Variants in LHX6 observed in about 807,000 individuals in gnomAD.
The protein encoded by LHX6 is LIM/homeobox protein Lhx6.
A neutral mutation model predicts 47.1 loss-of-function variants in LHX6; 15 were observed. The ratio of observed to expected loss-of-function variants is 0.32; its 90% CI spans 0.21 to 0.49. The LOEUF (loss-of-function observed/expected upper bound fraction) is 0.49, where lower values mean the gene tolerates loss of function less well. Among genes scored for constraint, LHX6 ranks in the 20% least tolerant of loss-of-function variants. The probability of loss-of-function intolerance (pLI) is 0.99; values close to 1 mark genes in which losing one functional copy is unlikely to be tolerated. For missense variants in LHX6, 404 were observed against 539.6 expected, an observed-to-expected ratio of 0.75 and a Z score of 2.49; for synonymous variants, 242 against 233.5, an observed-to-expected ratio of 1.04 and a Z score of -0.33.
Position 122,213,611 on chromosome 9 carries a change from A to G in LHX6, c.1049T>C (p.Ile350Thr). ...CCGGCGCTGCGGTTACTTACTCTCA[A>G]TGTAGCCGTGCAGGGTGACCATGCG... ...RARMVTLHGYIESQVQCGQVH... is the reference protein window; with the variant it reads ...RARMVTLHGYTESQVQCGQVH... The change falls in exon 8 of 10, where the codon ATT becomes ACT. Residue 350 changes from isoleucine (I) to threonine (T), a missense_variant. Ile to Thr is a moderately conservative substitution (Grantham distance 89). Around this residue, in one of 7 missense-constraint regions of LHX6, gnomAD observed 127 missense variants for 116.1 expected, o/e 1.09. Transcript: ENST00000394319. The surrounding 1 kb of genome is among the most constrained non-coding windows in gnomAD (Gnocchi z 5.5). 6.3e-7 allele frequency: 1 copy of G among 1,592,012 alleles called. No homozygotes were observed. The highest frequency in any genetic ancestry group is 8.5e-7 in the Non-Finnish European group (1 of 1,169,938).
At chr9:122,205,582 G>T (rs1312180487) in intron 9 of LHX6, among the ~76,000 whole-genome samples, 3 of 152,180 alleles carry the variant, frequency 2.0e-5, no homozygotes, top group Non-Finnish European at 2.9e-5. Flanking sequence ...AGGGGCATCT[G>T]GTGGGCATGA....
chr9:122,227,021 C>T lies in LHX6; in HGVS notation c.166G>A (p.Asp56Asn). Residue 56 changes from aspartate (D) to asparagine (N), a missense_variant, in exon 3 of 10, where the codon GAC (aspartate) becomes AAC (asparagine). By Grantham distance (23) the Asp-to-Asn change is conservative. Coordinates refer to ENST00000394319, the MANE Select transcript of LHX6 (RefSeq NM_014368.5). ...GTAPPAMAQS[D>N]AEALAGALDK... ...AGAGCTCCTGCCAGGGCCTCGGCGT[C>T]AGACTGAGCCTGCGGCGGGGGAGAG... 4.0e-6 allele frequency: 6 copies of T among 1,494,064 alleles called. No individual in the cohort carries two copies. The highest frequency in any genetic ancestry group is 5.4e-6 in the Non-Finnish European group (6 of 1,119,188). 92.6% of individuals were successfully genotyped at this position (1,494,064 alleles called of 1,614,324 possible). A position where few individuals can be genotyped will look rare whatever the true frequency, so the allele number is the denominator to read the frequency against.
intron 4 of LHX6, among the ~76,000 whole-genome samples, chr9:122,224,298 T>C (rs951364415): frequency 6.6e-6 from 1 of 152,112 alleles, no homozygotes; most frequent in Non-Finnish European, 1.5e-5. Flanking sequence ...GTGCTGCGAT[T>C]ATAGGTGTGA....
At chr9:122,228,550 C>T in intron 1 of LHX6, 107 bp downstream of exon 1, 1 of 1,359,190 alleles carries the variant, frequency 7.4e-7, no homozygotes, top group Non-Finnish European at 9.5e-7. Context: ...GGCGCACCCT[C>T]GTACCCCTCC....
At chr9:122,228,387 A>G (rs867994558) in intron 1 of LHX6, 2 of 1,505,500 alleles carry the variant, frequency 1.3e-6, no homozygotes, top group South Asian at 2.5e-5. Flanking sequence ...TCAGACGGAC[A>G]ATACCGGCCT....
chr9:122,209,880 CTT>C (rs1217876538), intron 8 of LHX6, among the ~76,000 whole-genome samples, 163 bp from the exon 9 acceptor site: 4 of 145,710 alleles, frequency 2.7e-5, no homozygotes, highest in African/African-American at 2.5e-5. Context: ...TTGTGATGAT[CTT>C]TTTTTTTTTT....
chr9:122,214,178 C>T lies in LHX6; in HGVS notation c.783+105G>A. The stretch of plus-strand genomic sequence containing the variant: ...ACGCCCCAGGCAGCTGCGGCCCCGC[C>T]CCGCCACCCGGGTCCGGCCCGAGGG... On this transcript the variant is annotated intron_variant, in intron 6 of 9. Coordinates refer to ENST00000394319, the MANE Select transcript of LHX6 (RefSeq NM_014368.5). This position sits in a 1 kb window ranked among gnomAD's most constrained non-coding sequence, Gnocchi z 4.6. 1 of 1,386,600 alleles carries T rather than the reference C, an allele frequency of 7.2e-7. No homozygotes were observed. The highest frequency in any genetic ancestry group is 9.6e-7 in the Non-Finnish European group (1 of 1,040,256). 85.9% of individuals were successfully genotyped at this position (1,386,600 alleles called of 1,614,324 possible). A position where few individuals can be genotyped will look rare whatever the true frequency, so the allele number is the denominator to read the frequency against.
rs536109318 is a variant in LHX6 at position 122,206,758 on chromosome 9, A to T, written c.1159-1978T>A. ...CAGGGCCCATCCCTGCCCTCCACAT[A>T]ATGTCCAAGACCCTCTTTCCATGAT... On this transcript the variant is annotated intron_variant, in intron 9 of 9. Transcript: ENST00000394319. Among the ~76,000 whole-genome samples, 3 of 152,090 alleles carry T rather than the reference A, an allele frequency of 2.0e-5. No homozygotes were observed. In the South Asian group the frequency reaches 6.2e-4, roughly 32 times the overall value.
At position 122,227,499 on chromosome 9, in the gene LHX6, G is replaced by GGGC; in HGVS notation, c.85-20_85-19insGCC. 3 of 656,294 alleles carry GGGC rather than the reference G, an allele frequency of 4.6e-6. No individual in the cohort carries two copies. Among genetic ancestry groups the GGGC allele is most frequent in the Admixed American group, 2.4e-5 (1 of 42,174 alleles). 40.7% of individuals were successfully genotyped at this position (656,294 alleles called of 1,614,324 possible). A position where few individuals can be genotyped will look rare whatever the true frequency, so the allele number is the denominator to read the frequency against. ...CCATCACCTGGGGGAGGGGGGGAGG[G>GGGC]AACGCAGGCGGCGGCGGCTGCTGAA... On this transcript the variant is annotated intron_variant, in intron 1 of 9. Transcript: ENST00000394319.
intron 1 of LHX6, chr9:122,228,313 C>G (rs775213575): frequency 2.0e-6 from 3 of 1,534,738 alleles, no homozygotes; most frequent in East Asian, 4.9e-5. Flanking sequence ...GTACCGGCCC[C>G]GCGTCGGGAT....
intron 4 of LHX6, among the ~76,000 whole-genome samples, chr9:122,223,575 C>T (rs1358878635): frequency 1.3e-5 from 2 of 152,174 alleles, no homozygotes; most frequent in East Asian, 1.9e-4. Context: ...TTGGAAAGGG[C>T]GAACTAAGGG....
rs554165341 is a variant in LHX6, at chr9:122,217,359, A to G, written c.462-71T>C. 6.8e-4 allele frequency: 872 copies of G among 1,273,486 alleles called. 4 individuals are homozygous for G. The highest frequency in any genetic ancestry group is 1.6e-3 in the South Asian group (114 of 72,210). 78.9% of individuals were successfully genotyped at this position (1,273,486 alleles called of 1,614,324 possible). Reference sequence around the variant, plus strand: ...CCAACCTTCCTCCTTCCACCACCCAATGGCCCGCCAGCCCCCAGGCTCCTG... The same window carrying G: ...CCAACCTTCCTCCTTCCACCACCCAGTGGCCCGCCAGCCCCCAGGCTCCTG... On this transcript the variant is annotated intron_variant, in intron 4 of 9. Coordinates refer to ENST00000394319, the MANE Select transcript of LHX6 (RefSeq NM_014368.5). The surrounding 1 kb of genome is among the most constrained non-coding windows in gnomAD (Gnocchi z 4.9).
rs1831129822 is a variant in LHX6, at chr9:122,226,980, A to G, written c.207T>C (p.Gly69=). The change falls in exon 3 of 10, where the codon GGT becomes GGC. Residue 69 remains glycine, a synonymous_variant. Coordinates refer to ENST00000394319, the MANE Select transcript of LHX6 (RefSeq NM_014368.5). This position sits in a 1 kb window ranked among gnomAD's most constrained non-coding sequence, Gnocchi z 6.5. ...ALAGALDKDE[G]QASPCTPSTP... is the part of the protein sequence containing the mutation. ...TGCTGGGCGTACATGGGGAGGCCTG[A>G]CCCTCGTCCTTGTCCAGAGCTCCTG... The G allele has an allele frequency of 1.4e-5, 22 of 1,544,574 alleles. No homozygotes were observed. The highest frequency in any genetic ancestry group is 1.7e-5 in the Non-Finnish European group (19 of 1,144,154).
chr9:122,210,324 A>G (rs1830355208), intron 8 of LHX6, among the ~76,000 whole-genome samples: 1 of 152,210 alleles, frequency 6.6e-6, no homozygotes, highest in South Asian at 2.1e-4. Context: ...ATGCGCATGC[A>G]AGCAAGTCTG....
In LHX6 at chr9:122,217,756, C is replaced by T. The variant is rs1250997653; in HGVS notation, c.462-468G>A. ...GTCACACCGCTTGCAATGATAGGAA[C>T]CCTAGCGATCCTGCTCCAGAGATGA... On this transcript the variant is annotated intron_variant, in intron 4 of 9. Transcript: ENST00000394319. The surrounding 1 kb of genome is among the most constrained non-coding windows in gnomAD (Gnocchi z 4.9). Among the ~76,000 whole-genome samples, 1 of 152,162 alleles carries T rather than the reference C, an allele frequency of 6.6e-6. No individual in the cohort carries two copies. Among genetic ancestry groups the T allele is most frequent in the African/African-American group, 2.4e-5 (1 of 41,416 alleles).
chr9:122,220,449 A>C (rs1428821223), intron 4 of LHX6, among the ~76,000 whole-genome samples: 2 of 152,200 alleles, frequency 1.3e-5, no homozygotes, highest in African/African-American at 4.8e-5. Context: ...GGGCGCGAGG[A>C]GGCTTATCGA....
At chr9:122,216,834 CA>C (rs1387234798) in intron 5 of LHX6, among the ~76,000 whole-genome samples, 1 of 152,228 alleles carries the variant, frequency 6.6e-6, no homozygotes, top group African/African-American at 2.4e-5. Flanking sequence ...TTGTTAACGC[CA>C]TTTTACTGAT....
In LHX6 at chr9:122,213,966, C is replaced by G. The variant is rs774253115; in HGVS notation, c.879+8G>C. On this transcript the variant is annotated splice_region_variant and intron_variant, in intron 7 of 9. Coordinates refer to ENST00000394319, the MANE Select transcript of LHX6 (RefSeq NM_014368.5). This position sits in a 1 kb window ranked among gnomAD's most constrained non-coding sequence, Gnocchi z 5.5. ...GCGGTCCCCAGGCCCCGCCCACCCC[C>G]GTCCCACCTGGATGACTCTCCGGCT... 6.3e-7 allele frequency: 1 copy of G among 1,580,128 alleles called. No homozygotes were observed. The highest frequency in any genetic ancestry group is 1.1e-5 in the South Asian group (1 of 90,460).
chr9:122,222,535 G>A (rs528356547), intron 4 of LHX6, among the ~76,000 whole-genome samples: 1 of 152,198 alleles, frequency 6.6e-6, no homozygotes, highest in Non-Finnish European at 1.5e-5. Context: ...GAGTCCAGTG[G>A]CCTGGCCAAG....
Sources: allele counts gnomAD v4.1 joint callset (sites outside exome capture counted in the v4.1 genomes callset), GRCh38; gene constraint gnomAD v4.1.1; regional missense constraint gnomAD v4.1.1; non-coding constraint Gnocchi (gnomAD v3.1); transcripts MANE v1.5; gene names NCBI Gene and HGNC (gene_info 2026-07-23, HGNC 2026-07-21).